Variants in MCC observed in about 807,000 individuals in gnomAD.
The protein encoded by MCC is MCC regulator of Wnt signaling pathway.
Under a neutral mutation model 116.2 loss-of-function variants are expected in MCC, and 90 were observed. The observed-to-expected ratio is 0.77, with a 90% CI of 0.65 to 0.92. MCC has a LOEUF of 0.92. Among genes scored for constraint, MCC ranks in the 40% least tolerant of loss-of-function variants. The pLI is 0.00. For missense variants in MCC, 1,516 were observed against 1,312.2 expected, an observed-to-expected ratio of 1.16 and a Z score of -2.40; for synonymous variants, 578 against 510.5, an observed-to-expected ratio of 1.13 and a Z score of -1.78.
At chr5:113,088,295 C>T (rs557777607) in intron 8 of MCC, among the ~76,000 whole-genome samples, 39 of 151,836 alleles carry the variant, frequency 2.6e-4, no homozygotes, top group African/African-American at 6.8e-4. Context: ...ATGCAAGAAA[C>T]TAAGGCTAAA....
At chr5:113,111,064 C>T (rs1581084322) in intron 6 of MCC, among the ~76,000 whole-genome samples, 1 of 152,178 alleles carries the variant, frequency 6.6e-6, no homozygotes, top group African/African-American at 2.4e-5. Flanking sequence ...CTCAGTTGGC[C>T]TCCTGATAAG....
At chr5:113,467,726 C>T (rs1771956008) in intron 1 of MCC, among the ~76,000 whole-genome samples, 2 of 152,142 alleles carry the variant, frequency 1.3e-5, no homozygotes, top group African/African-American at 4.8e-5. Flanking sequence ...TGAAGAAAGT[C>T]ATTGGTAGCT....
At chr5:113,030,795 T>C (rs1208523440) in intron 17 of MCC, among the ~76,000 whole-genome samples, 1 of 152,236 alleles carries the variant, frequency 6.6e-6, no homozygotes, top group African/African-American at 2.4e-5. Flanking sequence ...TGAGTGTGAA[T>C]ATCTGACACT....
chr5:113,431,324 C>A (rs1770636969), intron 1 of MCC, among the ~76,000 whole-genome samples: 1 of 152,260 alleles, frequency 6.6e-6, no homozygotes, highest in East Asian at 1.9e-4. Context: ...GTGATTTACA[C>A]TTCTGGATGC....
intron 2 of MCC, among the ~76,000 whole-genome samples, chr5:113,366,549 AT>A (rs1768693082): frequency 6.6e-6 from 1 of 152,036 alleles, no homozygotes; most frequent in South Asian, 2.1e-4. Flanking sequence ...AGGCTTCTAG[AT>A]TTTTTAAAAA....
rs200787776 is a variant in MCC, at chr5:113,184,472, G to GTTTTTTTTTTTTTTTTTTTTTTTTT, written c.628-33051_628-33050insAAAAAAAAAAAAAAAAAAAAAAAAA. 1.6e-5 allele frequency among the ~76,000 whole-genome samples: 2 copies of GTTTTTTTTTTTTTTTTTTTTTTTTT among 123,800 alleles called. 1 individual carries two copies. The highest frequency in any genetic ancestry group is 3.2e-5 in the Non-Finnish European group (2 of 62,026). 81.2% of individuals were successfully genotyped at this position (123,800 alleles called of 152,430 possible). ...ACATAGCAATTTAGTTTCTTTCTTC[G>GTTTTTTTTTTTTTTTTTTTTTTTTT]TTTTTTGTTTTTTTTTTTTTTTTTT... On this transcript the variant is annotated intron_variant, in intron 3 of 18. Transcript: ENST00000408903.
chr5:113,168,066 A>T lies in MCC; in HGVS notation c.628-16644T>A, dbSNP rs116028293. On this transcript the variant is annotated intron_variant, in intron 3 of 18. Coordinates refer to ENST00000408903, the MANE Select transcript of MCC (RefSeq NM_001085377.2). ...AACAGTTGTATGTCCGTGAAGAAAA[A>T]GTGCAAACATGGCAAATCATTTCCT... Among the ~76,000 whole-genome samples the T allele has an allele frequency of 8.4e-3, 1,283 of 152,314 alleles. 19 individuals are homozygous for T. The highest frequency in any genetic ancestry group is 0.03 in the African/African-American group (1,234 of 41,568).
chr5:113,465,275 TTC>T (rs1412450686), intron 1 of MCC, among the ~76,000 whole-genome samples: 1 of 152,090 alleles, frequency 6.6e-6, no homozygotes, highest in African/African-American at 2.4e-5. Context: ...ATTATGTATT[TTC>T]AAGTCAGTAG....
At chr5:113,165,763 A>G (rs1219880969) in intron 3 of MCC, among the ~76,000 whole-genome samples, 1 of 152,144 alleles carries the variant, frequency 6.6e-6, no homozygotes, top group African/African-American at 2.4e-5. Flanking sequence ...CACCCAAAAA[A>G]TCCATATTAG....
intron 1 of MCC, among the ~76,000 whole-genome samples, chr5:113,387,709 T>A (rs532835071): frequency 2.0e-5 from 3 of 152,332 alleles, no homozygotes; most frequent in African/African-American, 7.2e-5. Flanking sequence ...TAAATTGATA[T>A]GTCATTGTAG....
At chr5:113,039,325 A>G (rs1440612026) in intron 17 of MCC, among the ~76,000 whole-genome samples, 1 of 152,202 alleles carries the variant, frequency 6.6e-6, no homozygotes, top group Non-Finnish European at 1.5e-5. Context: ...CTGGAACTCC[A>G]GGTGTATGCA....
intron 17 of MCC, among the ~76,000 whole-genome samples, chr5:113,037,805 G>T (rs114321784): frequency 1.5e-4 from 23 of 152,320 alleles, no homozygotes; most frequent in Non-Finnish European, 3.4e-4. Flanking sequence ...GGGAGAATCA[G>T]GGATAAAGCA....
chr5:113,113,060 C>T (rs1267697557), intron 6 of MCC, among the ~76,000 whole-genome samples: 1 of 152,208 alleles, frequency 6.6e-6, no homozygotes, highest in Non-Finnish European at 1.5e-5. Context: ...TATAGCAGGA[C>T]TGGCCATTCA....
intron 6 of MCC, among the ~76,000 whole-genome samples, chr5:113,118,770 A>G (rs985137663): frequency 4.0e-5 from 6 of 151,886 alleles, no homozygotes; most frequent in Admixed American, 3.3e-4. Context: ...ATGGCGAAGG[A>G]ATAAGAAGAG....
At chr5:113,268,318 G>A (rs768164501) in intron 3 of MCC, among the ~76,000 whole-genome samples, 2 of 152,134 alleles carry the variant, frequency 1.3e-5, no homozygotes, top group African/African-American at 2.4e-5. Context: ...TCATTCTAGC[G>A]GTCTCACCTA....
intron 3 of MCC, among the ~76,000 whole-genome samples, chr5:113,337,177 A>G (rs144377246): frequency 1.0e-3 from 158 of 152,256 alleles, no homozygotes; most frequent in African/African-American, 3.6e-3. Context: ...AGCATAGGAC[A>G]TCTAGTGACT....
At chr5:113,328,449 G>C (rs1313952733) in intron 3 of MCC, among the ~76,000 whole-genome samples, 1 of 152,178 alleles carries the variant, frequency 6.6e-6, no homozygotes, top group African/African-American at 2.4e-5. Flanking sequence ...AGAATCTACT[G>C]AGAAGTTAAT....
intron 17 of MCC, among the ~76,000 whole-genome samples, chr5:113,033,732 C>T (rs1751122840): frequency 6.6e-6 from 1 of 152,142 alleles, no homozygotes; most frequent in African/African-American, 2.4e-5. Flanking sequence ...CAAATATACC[C>T]CATAGCATCA....
At chr5:113,240,321 T>C (rs1764319069) in intron 3 of MCC, among the ~76,000 whole-genome samples, 1 of 152,198 alleles carries the variant, frequency 6.6e-6, no homozygotes, top group Non-Finnish European at 1.5e-5. Flanking sequence ...TGGACTTATA[T>C]GAGCTAATAT....
Sources: gnomAD v4.1 joint callset for allele counts (sites outside exome capture counted in the v4.1 genomes callset) on GRCh38, gnomAD v4.1.1 for gene constraint, MANE v1.5 for transcripts, NCBI Gene and HGNC (gene_info 2026-07-23, HGNC 2026-07-21) for gene names.